GPR176: variants seen among roughly 807,000 people sequenced by gnomAD.
GPR176 encodes the protein G protein-coupled receptor 176, also known as G-protein coupled receptor 176.
In GPR176, 26 loss-of-function variants were observed where a neutral mutation model predicts 35.4. The observed-to-expected ratio is 0.74, with a 90% CI of 0.54 to 1.02. GPR176 has a LOEUF of 1.02. GPR176 is among the 50% of genes least tolerant of loss of function. The pLI is 0.00. For missense variants in GPR176, 597 were observed against 665.3 expected, an observed-to-expected ratio of 0.90 and a Z score of 1.13; for synonymous variants, 278 against 271.3, an observed-to-expected ratio of 1.02 and a Z score of -0.24.
chr15:39,900,173 A>G (rs917623013), intron 1 of GPR176, among the ~76,000 whole-genome samples: 2 of 151,964 alleles, frequency 1.3e-5, no homozygotes, highest in Non-Finnish European at 2.9e-5. Flanking sequence ...AATTTAAATG[A>G]TGAAGATAAA....
At chr15:39,814,450 T>C (rs1899767370) in intron 1 of GPR176, among the ~76,000 whole-genome samples, 1 of 152,238 alleles carries the variant, frequency 6.6e-6, no homozygotes, top group Non-Finnish European at 1.5e-5. Context: ...TTATTCCTAG[T>C]ATTCAGTTAG....
chr15:39,857,716 C>A (rs1414329351), intron 1 of GPR176, among the ~76,000 whole-genome samples: 1 of 151,896 alleles, frequency 6.6e-6, no homozygotes. Flanking sequence ...TGCCTGTAAT[C>A]CCAGCACTTT....
At chr15:39,911,683 T>C (rs1029036472) in intron 1 of GPR176, among the ~76,000 whole-genome samples, 1 of 152,252 alleles carries the variant, frequency 6.6e-6, no homozygotes, top group Non-Finnish European at 1.5e-5. Flanking sequence ...CAGTGATAAC[T>C]GAGAGGGTTC....
At chr15:39,842,514 G>A (rs1187328730) in intron 1 of GPR176, among the ~76,000 whole-genome samples, 2 of 152,114 alleles carry the variant, frequency 1.3e-5, no homozygotes, top group Admixed American at 6.6e-5. Flanking sequence ...GTATTTGGAG[G>A]TGGGGCCTTT....
chr15:39,872,957 G>A (rs1595497645), intron 1 of GPR176, among the ~76,000 whole-genome samples: 3 of 104,056 alleles, frequency 2.9e-5, no homozygotes, highest in South Asian at 5.8e-4. Context: ...GTGTGTGTGT[G>A]TGTGTGTGTA....
intron 1 of GPR176, among the ~76,000 whole-genome samples, chr15:39,856,703 G>T (rs1235326636): frequency 6.6e-6 from 1 of 152,204 alleles, no homozygotes; most frequent in African/African-American, 2.4e-5. Flanking sequence ...TAGTCTCCAA[G>T]TCACATACTG....
chr15:39,858,092 A>T (rs2031358242), intron 1 of GPR176, among the ~76,000 whole-genome samples: 1 of 152,020 alleles, frequency 6.6e-6, no homozygotes, highest in Non-Finnish European at 1.5e-5. Context: ...GCTTATGTGG[A>T]GGAAGAGGAA....
At chr15:39,849,622 C>G (rs1046886350) in intron 1 of GPR176, among the ~76,000 whole-genome samples, 4 of 152,144 alleles carry the variant, frequency 2.6e-5, no homozygotes, top group African/African-American at 9.7e-5. Context: ...ATATAATCTA[C>G]TCTATTAACA....
At chr15:39,904,749 T>G (rs1412949964) in intron 1 of GPR176, among the ~76,000 whole-genome samples, 2 of 152,204 alleles carry the variant, frequency 1.3e-5, no homozygotes, top group Non-Finnish European at 2.9e-5. Context: ...GGGCAAAGAA[T>G]GCATGTGTCC....
chr15:39,879,567 T>C (rs1420782955), intron 1 of GPR176, among the ~76,000 whole-genome samples: 1 of 152,122 alleles, frequency 6.6e-6, no homozygotes, highest in Non-Finnish European at 1.5e-5. Context: ...CTTACTCCCC[T>C]TTCCTCTCTA....
intron 1 of GPR176, among the ~76,000 whole-genome samples, chr15:39,820,544 T>A (rs1208749874): frequency 2.0e-5 from 3 of 152,224 alleles, no homozygotes; most frequent in Admixed American, 2.0e-4. Context: ...CACTCTGGCC[T>A]AGACCCAGAA....
chr15:39,885,836 A>G (rs1026052843), intron 1 of GPR176, among the ~76,000 whole-genome samples: 4 of 152,268 alleles, frequency 2.6e-5, no homozygotes. Flanking sequence ...ACACTGATGT[A>G]GAAGACAAGA....
At chr15:39,836,709 T>A (rs1901420304) in intron 1 of GPR176, among the ~76,000 whole-genome samples, 1 of 152,088 alleles carries the variant, frequency 6.6e-6, no homozygotes, top group East Asian at 1.9e-4. Flanking sequence ...AAAGTTCACA[T>A]AAATTTGTTC....
At chr15:39,893,881 G>A (rs542833170) in intron 1 of GPR176, among the ~76,000 whole-genome samples, 3 of 142,416 alleles carry the variant, frequency 2.1e-5, no homozygotes, top group Non-Finnish European at 4.6e-5. Context: ...CTCACCTCCC[G>A]GACGGGGCGG....
intron 1 of GPR176, among the ~76,000 whole-genome samples, chr15:39,882,936 T>C (rs1444543895): frequency 1.3e-5 from 2 of 152,202 alleles, no homozygotes; most frequent in Non-Finnish European, 2.9e-5. Context: ...GTGGCAAATG[T>C]CGGCAATGCA....
Position 39,802,102 on chromosome 15 carries a change from G to A in GPR176, c.578C>T (p.Thr193Met), listed in dbSNP as rs752675875. Residue 193 changes from threonine (T) to methionine (M), a missense_variant, in exon 3 of 3, where the codon ACG (threonine) becomes ATG (methionine). This residue lies in a region of GPR176 where 220 missense variants were observed against 297.6 expected (regional missense o/e 0.74). Coordinates refer to ENST00000561100, the MANE Select transcript of GPR176 (RefSeq NM_007223.3). ...VADIYATSTC[T>M]EVWSNSLGHL... ...GCCCAAGGAGTTGCTCCAGACTTCCGTGCAGGTGGACGTGGCATAGATGTC... is the reference window on the plus strand; with the variant it reads ...GCCCAAGGAGTTGCTCCAGACTTCCATGCAGGTGGACGTGGCATAGATGTC... The A allele has an allele frequency of 3.4e-5, 55 of 1,614,010 alleles. No individual in the cohort carries two copies. In the Admixed American group the frequency reaches 3.7e-4, roughly 11 times the overall value.
At chr15:39,884,302 A>T (rs949174913) in intron 1 of GPR176, among the ~76,000 whole-genome samples, 1 of 152,266 alleles carries the variant, frequency 6.6e-6, no homozygotes. Flanking sequence ...TAATTTCCAA[A>T]AAATAAGCCT....
chr15:39,879,754 C>T (rs2032400456), intron 1 of GPR176, among the ~76,000 whole-genome samples: 1 of 152,172 alleles, frequency 6.6e-6, no homozygotes, highest in Non-Finnish European at 1.5e-5. Context: ...TCCTATTCCT[C>T]ACTCACTCCC....
chr15:39,913,390 C>G (rs1042989057), intron 1 of GPR176, among the ~76,000 whole-genome samples: 1 of 151,934 alleles, frequency 6.6e-6, no homozygotes, highest in Admixed American at 6.6e-5. Context: ...ACAAAAAGTA[C>G]AAAAATTAGA....
Sources: allele counts gnomAD v4.1 joint callset (sites outside exome capture counted in the v4.1 genomes callset), GRCh38; gene constraint gnomAD v4.1.1; regional missense constraint gnomAD v4.1.1; transcripts MANE v1.5; gene names NCBI Gene and HGNC (gene_info 2026-07-23, HGNC 2026-07-21).